The following HNRNPM variants were observed in gnomAD, a reference collection of about 807,000 sequenced individuals.
HNRNPM encodes CEA receptor.
Under a neutral mutation model 73.1 loss-of-function variants are expected in HNRNPM, and 11 were observed. The observed-to-expected ratio is 0.15, with a 90% confidence interval of 0.09 to 0.25. The LOEUF is 0.25. Ranked by LOEUF, HNRNPM falls within the 10% of genes least tolerant of loss-of-function variation. The pLI is 1.00. For missense variants in HNRNPM, 789 were observed against 1,067.9 expected (o/e 0.74, Z 3.64); for synonymous variants, 407 against 355.2 (o/e 1.15, Z -1.64).
In HNRNPM at chr19:8,474,221, G is replaced by C. The variant is rs142586932; in HGVS notation, c.1097G>C (p.Gly366Ala). ...GAAAACATGGGTCGATTTGGATCTG[G>C]GATGAACATGGGCAGGATAAATGGT... ...GMENMGRFGSGMNMGRINEIL... is the reference protein window; with the variant it reads ...GMENMGRFGSAMNMGRINEIL... Residue 366 changes from glycine (G) to alanine (A), a missense_variant, in exon 12 of 16, where the codon GGG becomes GCG. By Grantham distance (60) the Gly-to-Ala change is moderately conservative. Transcript: ENST00000325495. 5 of 1,595,268 alleles carry C rather than the reference G, an allele frequency of 3.1e-6. No individual in the cohort carries two copies. The highest frequency in any genetic ancestry group is 3.4e-6 in the Non-Finnish European group (4 of 1,172,094).
intron 9 of HNRNPM, 84 bp downstream of exon 9, chr19:8,468,918 C>G (rs1354784318): frequency 8.8e-7 from 1 of 1,137,012 alleles, no homozygotes; most frequent in Middle Eastern, 2.0e-4. Flanking sequence ...TTCACTTGAA[C>G]CTGTGCCAGG....
intron 1 of HNRNPM, among the ~76,000 whole-genome samples, chr19:8,447,686 A>C (rs1599736986): frequency 6.6e-6 from 1 of 152,026 alleles, no homozygotes; most frequent in Admixed American, 6.6e-5. Context: ...GGAGTTCAAG[A>C]CCAGCCTGGG....
In HNRNPM at chr19:8,467,634, A is replaced by G. The variant is rs116035245; in HGVS notation, c.834+50A>G. The G allele has an allele frequency of 3.0e-3, 3,847 of 1,298,412 alleles. 80 individuals are homozygous for G. The African/African-American group carries it at 0.046, about 16-fold the overall frequency. The allele number at this position is 1,298,412 out of a possible 1,614,324, so 80.4% of individuals were successfully genotyped here. ...TGATATACTCAAGTCTAGCAAAAAC[A>G]TGGAATTAATAAGAGTGTACATATA... On this transcript the variant is annotated intron_variant, in intron 8 of 15. Coordinates refer to ENST00000325495, the MANE Select transcript of HNRNPM (RefSeq NM_005968.5).
In HNRNPM at chr19:8,488,947, G is replaced by A. The variant is rs1971513070; in HGVS notation, c.*93G>A. Reference sequence around the variant, plus strand: ...ATTTGTTGGCTGGATGTATAAAGATGTTTAAAAAATTCAGTTGCTTTTTGG... The same window carrying A: ...ATTTGTTGGCTGGATGTATAAAGATATTTAAAAAATTCAGTTGCTTTTTGG... On this transcript the variant is annotated 3_prime_UTR_variant, in exon 16 of 16. Transcript: ENST00000325495. The A allele has an allele frequency of 1.7e-6, 2 of 1,203,386 alleles. No homozygotes were observed. The highest frequency in any genetic ancestry group is 3.4e-5 in the South Asian group (2 of 58,640). 74.5% of individuals were successfully genotyped at this position (1,203,386 alleles called of 1,614,324 possible).
At chr19:8,487,181 C>A in intron 15 of HNRNPM, 106 bp downstream of exon 15, 1 of 941,048 alleles carries the variant, frequency 1.1e-6, no homozygotes, top group Non-Finnish European at 1.8e-6. Context: ...GGCTCAGGAC[C>A]CATGGCCTTG....
At chr19:8,477,782 C>T (rs1210804031) in intron 12 of HNRNPM, among the ~76,000 whole-genome samples, 1 of 151,994 alleles carries the variant, frequency 6.6e-6, no homozygotes, top group African/African-American at 2.4e-5. Flanking sequence ...TCTTTCTGTG[C>T]AGACATACGT....
At chr19:8,477,881 C>T (rs1223024692) in intron 12 of HNRNPM, among the ~76,000 whole-genome samples, 1 of 152,160 alleles carries the variant, frequency 6.6e-6, no homozygotes, top group African/African-American at 2.4e-5. Context: ...CCAGCCTTTG[C>T]CTCACCTCTC....
chr19:8,447,565 A>G (rs562638360), intron 1 of HNRNPM, among the ~76,000 whole-genome samples: 2 of 152,168 alleles, frequency 1.3e-5, no homozygotes, highest in East Asian at 3.9e-4. Flanking sequence ...TCCAAAGAGC[A>G]GAGATTTGAG....
At chr19:8,484,618 C>T (rs974850504) in intron 13 of HNRNPM, among the ~76,000 whole-genome samples, 4 of 152,222 alleles carry the variant, frequency 2.6e-5, no homozygotes, top group African/African-American at 9.7e-5. Flanking sequence ...GTGTGCTGTG[C>T]AGCTAGAGAA....
chr19:8,465,553 G>C, intron 6 of HNRNPM, 38 bp downstream of exon 6: 1 of 1,308,020 alleles, frequency 7.6e-7, no homozygotes, highest in Non-Finnish European at 1.1e-6. Flanking sequence ...TAGAAAATCA[G>C]AACTTTATGA....
At chr19:8,478,531 C>T (rs1344252098) in intron 12 of HNRNPM, among the ~76,000 whole-genome samples, 6 of 152,118 alleles carry the variant, frequency 3.9e-5, no homozygotes, top group Non-Finnish European at 8.8e-5. Context: ...GGGGTCCGCC[C>T]TCTGGGGTGC....
At chr19:8,456,316 C>A (rs1369519528) in intron 2 of HNRNPM, among the ~76,000 whole-genome samples, 2 of 152,300 alleles carry the variant, frequency 1.3e-5, no homozygotes, top group East Asian at 3.9e-4. Flanking sequence ...GTGGTGTCCT[C>A]TCTCTCTCCT....
At chr19:8,458,056 A>G (rs1969142259) in intron 2 of HNRNPM, among the ~76,000 whole-genome samples, 1 of 152,142 alleles carries the variant, frequency 6.6e-6, no homozygotes, top group Admixed American at 6.5e-5. Flanking sequence ...TCATTATAGC[A>G]CTATCTAATT....
At chr19:8,467,822 C>T (rs995810717) in intron 8 of HNRNPM, among the ~76,000 whole-genome samples, 4 of 152,074 alleles carry the variant, frequency 2.6e-5, no homozygotes, top group African/African-American at 9.7e-5. Context: ...GTCAGCAGTT[C>T]GACACCAGCC....
At chr19:8,483,022 C>T (rs1034481688) in intron 12 of HNRNPM, 136 bp from the exon 13 acceptor site, 12 of 626,696 alleles carry the variant, frequency 1.9e-5, no homozygotes, top group Admixed American at 5.8e-5. Context: ...CTTGTCTGTG[C>T]GTGTGTTTCT....
chr19:8,459,717 G>T (rs6603082), intron 2 of HNRNPM, among the ~76,000 whole-genome samples: 6,108 of 152,268 alleles, frequency 0.04, 276 homozygotes, highest in African/African-American at 0.11. Flanking sequence ...CTAAAGGTCT[G>T]TGCAGGAGAG....
At chr19:8,473,442 C>G (rs956333536) in intron 10 of HNRNPM, among the ~76,000 whole-genome samples, 2 of 149,112 alleles carry the variant, frequency 1.3e-5, no homozygotes, top group South Asian at 2.1e-4. Flanking sequence ...GCCTGGGTGA[C>G]AGAGCAATAC....
Position 8,445,093 on chromosome 19 carries a change from G to A in HNRNPM, c.95G>A (p.Gly32Glu). Residue 32 changes from glycine (G) to glutamate (E), a missense_variant, in exon 1 of 16, where the codon GGG becomes GAG. Physicochemically the swap from Gly to Glu is moderately conservative, Grantham distance 98. Around this residue, in one of 4 missense-constraint regions of HNRNPM, gnomAD observed 79 missense variants for 70.7 expected, o/e 1.12. Transcript: ENST00000325495. ...GCGCCCGGCGTGCCGAGCGGCAACG[G>A]GGCTCCGGGCCCTAAGGGGTGAGTA... ...SGAPGVPSGN[G>E]APGPKGEGER... 1 of 1,419,654 alleles carries A rather than the reference G, an allele frequency of 7.0e-7. No homozygotes were observed. The allele number at this position is 1,419,654 out of a possible 1,614,324, so 87.9% of individuals were successfully genotyped here.
chr19:8,474,264 C>T lies in HNRNPM; in HGVS notation c.1120+20C>T. 6.5e-7 allele frequency: 1 copy of T among 1,547,204 alleles called. No homozygotes were observed. Among genetic ancestry groups the T allele is most frequent in the Admixed American group, 2.0e-5 (1 of 50,864 alleles). On this transcript the variant is annotated intron_variant, in intron 12 of 15. Transcript: ENST00000325495. The stretch of plus-strand genomic sequence containing the variant: ...TAAATGGTAAGCATCGTGTTTTCTT[C>T]CTGCTTTCACTCACCCTTTGCCGGC...
Sources: gnomAD v4.1 joint callset for allele counts (sites outside exome capture counted in the v4.1 genomes callset) on GRCh38, gnomAD v4.1.1 for gene constraint, gnomAD v4.1.1 regional missense constraint, MANE v1.5 for transcripts, NCBI Gene and HGNC (gene_info 2026-07-23, HGNC 2026-07-21) for gene names.